RAP1GAP: variants seen among roughly 807,000 people sequenced by gnomAD.
RAP1GAP encodes rap1 GTPase-activating protein 1.
In RAP1GAP, 35 loss-of-function variants were observed where a neutral mutation model predicts 87.2. The observed-to-expected ratio is 0.40, with a 90% confidence interval of 0.31 to 0.53. The LOEUF (loss-of-function observed/expected upper bound fraction) is 0.53. Ranked by LOEUF, RAP1GAP falls within the 20% of genes least tolerant of loss-of-function variation. RAP1GAP has a pLI of 0.48. For synonymous variants in RAP1GAP, 375 were observed against 363.9 expected, an observed-to-expected ratio of 1.03 and a Z score of -0.35; for missense variants, 734 against 898.9, an observed-to-expected ratio of 0.82 and a Z score of 2.35.
intron 1 of RAP1GAP, among the ~76,000 whole-genome samples, chr1:21,662,308 G>C (rs975427556): frequency 6.6e-6 from 1 of 152,168 alleles, no homozygotes; most frequent in Non-Finnish European, 1.5e-5. Flanking sequence ...TTTGTGAATT[G>C]CTCCCATCAG....
intron 13 of RAP1GAP, among the ~76,000 whole-genome samples, chr1:21,611,057 C>A (rs763981232): frequency 2.6e-5 from 4 of 152,190 alleles, no homozygotes; most frequent in Admixed American, 6.5e-5. Context: ...CTTCTCCCAG[C>A]TCCTTCACGG....
chr1:21,651,757 CCCGCG>C (rs927710473), intron 1 of RAP1GAP: 41 of 1,457,470 alleles, frequency 2.8e-5, no homozygotes, highest in Non-Finnish European at 3.6e-5. Context: ...CGCGCCCCGC[CCCGCG>C]CCGCGCCACG....
chr1:21,597,709 G>A lies in RAP1GAP; in HGVS notation c.*11C>T. ...ACCTGCTCAGTTTCACCTTCAGAGG[G>A]GGTGGCCCGGCTAACAGCCCTGCAG... is the stretch of plus-strand genomic sequence containing the variant. On this transcript the variant is annotated 3_prime_UTR_variant, in exon 24 of 25. Transcript: ENST00000374765. The A allele has an allele frequency of 6.2e-7, 1 of 1,613,344 alleles. No homozygotes were observed. The highest frequency in any genetic ancestry group is 8.5e-7 in the Non-Finnish European group (1 of 1,179,446).
rs2097474108 is a variant in RAP1GAP, at chr1:21,668,818, A to T, written c.-149+436T>A. On this transcript the variant is annotated intron_variant, in intron 1 of 24. Transcript: ENST00000374765. This position sits in a 1 kb window ranked among gnomAD's most constrained non-coding sequence, Gnocchi z 6.2. ...GCCCCCACTTCCCTCCTCTGAGGAC[A>T]GGAGCGCCACCCTCTGGGGGGCGCT... is the stretch of plus-strand genomic sequence containing the variant. 6.6e-6 allele frequency among the ~76,000 whole-genome samples: 1 copy of T among 151,810 alleles called. No individual in the cohort carries two copies. Among genetic ancestry groups the T allele is most frequent in the Non-Finnish European group, 1.5e-5 (1 of 67,902 alleles).
chr1:21,634,766 T>G lies in RAP1GAP; in HGVS notation c.-112-8369A>C, dbSNP rs528104473. Reference sequence around the variant, plus strand: ...GGAACCAGGCCACCCATTTACCTGCTGTCTATCCAGCATCTGTCTCCCTTG... The same window carrying G: ...GGAACCAGGCCACCCATTTACCTGCGGTCTATCCAGCATCTGTCTCCCTTG... On this transcript the variant is annotated intron_variant, in intron 2 of 24. Coordinates refer to ENST00000374765, the MANE Select transcript of RAP1GAP (RefSeq NM_002885.4). The surrounding 1 kb of genome is among the most constrained non-coding windows in gnomAD (Gnocchi z 4.1). The G allele has an allele frequency of 4.2e-6, 2 of 478,640 alleles. No individual in the cohort carries two copies. Among genetic ancestry groups the G allele is most frequent in the East Asian group, 1.3e-4 (2 of 15,850 alleles). The allele number at this position is 478,640 out of a possible 1,614,324, so 29.6% of individuals were successfully genotyped here.
Position 21,613,282 on chromosome 1 carries a change from A to T in RAP1GAP, c.475-53T>A. On this transcript the variant is annotated intron_variant, in intron 9 of 24. Transcript: ENST00000374765. This position sits in a 1 kb window ranked among gnomAD's most constrained non-coding sequence, Gnocchi z 4.7. Reference sequence around the variant, plus strand: ...GAGGTGTGGGGCCAGGGAGGAGAGGATGGGGCTGCCTGGGCCTCCCTGGTC... The same window carrying T: ...GAGGTGTGGGGCCAGGGAGGAGAGGTTGGGGCTGCCTGGGCCTCCCTGGTC... The T allele has an allele frequency of 2.1e-6, 3 of 1,455,828 alleles. No homozygotes were observed. The highest frequency in any genetic ancestry group is 1.7e-4 in the Middle Eastern group (1 of 5,758). 90.2% of individuals were successfully genotyped at this position (1,455,828 alleles called of 1,614,324 possible).
rs1274720052 is a variant in RAP1GAP, at chr1:21,669,339, C to G, written c.-234G>C. ...CAGCTCTGCTCAGATGCGGCCGGCG[C>G]TCGCCGCCGCCGCAGTTCGGGGAGG... On this transcript the variant is annotated 5_prime_UTR_variant, in exon 1 of 25. Coordinates refer to ENST00000374765, the MANE Select transcript of RAP1GAP (RefSeq NM_002885.4). The surrounding 1 kb of genome is among the most constrained non-coding windows in gnomAD (Gnocchi z 5.6). 1 of 1,076,312 alleles carries G rather than the reference C, an allele frequency of 9.3e-7. No homozygotes were observed. Among genetic ancestry groups the G allele is most frequent in the Non-Finnish European group, 1.1e-6 (1 of 884,178 alleles). The allele number at this position is 1,076,312 out of a possible 1,614,324, so 66.7% of individuals were successfully genotyped here.
chr1:21,598,375 T>C, intron 22 of RAP1GAP, 25 bp downstream of exon 22: 1 of 1,582,228 alleles, frequency 6.3e-7, no homozygotes, highest in Non-Finnish European at 8.7e-7. Context: ...CCCTGCTTTG[T>C]GGGGAAGCTG....
At chr1:21,627,465 C>G (rs560952929) in intron 2 of RAP1GAP, among the ~76,000 whole-genome samples, 1 of 143,040 alleles carries the variant, frequency 7.0e-6, no homozygotes, top group African/African-American at 2.6e-5. Context: ...CCCAGGCTGG[C>G]GTGCAAATGG....
chr1:21,605,657 C>T (rs1227934676), intron 18 of RAP1GAP, among the ~76,000 whole-genome samples: 1 of 152,164 alleles, frequency 6.6e-6, no homozygotes, highest in Admixed American at 6.5e-5. Context: ...TGCCCACAGC[C>T]CGACACACAG....
chr1:21,667,001 G>A (rs577740776), intron 1 of RAP1GAP, among the ~76,000 whole-genome samples: 24 of 152,334 alleles, frequency 1.6e-4, no homozygotes, highest in African/African-American at 5.1e-4. Context: ...GTCTTGGCCT[G>A]GGTGTGCCCG....
chr1:21,651,399 T>A, intron 1 of RAP1GAP: 1 of 539,286 alleles, frequency 1.9e-6, no homozygotes, highest in South Asian at 1.4e-5. Flanking sequence ...TACCTATACA[T>A]GTGAGCAGTT....
At chr1:21,654,832 A>C (rs573834816) in intron 1 of RAP1GAP, among the ~76,000 whole-genome samples, 3 of 151,686 alleles carry the variant, frequency 2.0e-5, no homozygotes, top group African/African-American at 7.3e-5. Flanking sequence ...ACCCTGTCTT[A>C]AAAAGAAAAG....
chr1:21,610,085 T>C (rs763669024), intron 14 of RAP1GAP, 35 bp downstream of exon 14: 4 of 1,606,744 alleles, frequency 2.5e-6, no homozygotes, highest in Non-Finnish European at 3.4e-6. Flanking sequence ...CCAGGGCCCT[T>C]GCTGATGCCC....
At chr1:21,631,491 A>G (rs1432290382) in intron 2 of RAP1GAP, among the ~76,000 whole-genome samples, 1 of 152,126 alleles carries the variant, frequency 6.6e-6, no homozygotes, top group Admixed American at 6.5e-5. Context: ...TTCGTGACCA[A>G]CCTGGCCTAC....
At chr1:21,614,208 G>A (rs1353174199) in intron 7 of RAP1GAP, 119 bp from the exon 8 acceptor site, 10 of 653,166 alleles carry the variant, frequency 1.5e-5, no homozygotes, top group Admixed American at 9.8e-5. Flanking sequence ...CAGGTGTCAC[G>A]GCTGATAGCA....
intron 2 of RAP1GAP, among the ~76,000 whole-genome samples, chr1:21,638,755 T>G (rs1016027100): frequency 2.0e-5 from 3 of 152,338 alleles, no homozygotes; most frequent in Admixed American, 2.0e-4. Flanking sequence ...TTTAGAGAGC[T>G]GAGCACTCAC....
intron 16 of RAP1GAP, 104 bp downstream of exon 16, chr1:21,608,746 A>T: frequency 8.4e-7 from 1 of 1,197,564 alleles, no homozygotes; most frequent in South Asian, 1.3e-5. Context: ...TGTCCCCGCT[A>T]AGGCCAAGGT....
intron 21 of RAP1GAP, 22 bp from the exon 22 acceptor site, chr1:21,598,524 G>A: frequency 6.3e-7 from 1 of 1,589,846 alleles, no homozygotes; most frequent in South Asian, 1.1e-5. Context: ...GTGGAAAGAG[G>A]GAGGGAGGTT....
Sources: allele counts gnomAD v4.1 joint callset (sites outside exome capture counted in the v4.1 genomes callset), GRCh38; gene constraint gnomAD v4.1.1; non-coding constraint Gnocchi (gnomAD v3.1); transcripts MANE v1.5; gene names NCBI Gene and HGNC (gene_info 2026-07-23, HGNC 2026-07-21).